The following CNTNAP3B variants were observed in gnomAD, a reference collection of about 807,000 sequenced individuals.
The protein encoded by CNTNAP3B is contactin-associated protein-like 3B.
In CNTNAP3B, 25 loss-of-function variants were observed where a neutral mutation model predicts 108.9. That is an observed-to-expected ratio of 0.23 (90% CI 0.17 to 0.32). The LOEUF is 0.32. Among genes scored for constraint, CNTNAP3B ranks in the 10% least tolerant of loss-of-function variants. The pLI, the probability that CNTNAP3B is intolerant of heterozygous loss-of-function variation, is 1.00. For missense variants in CNTNAP3B, 252 were observed against 1,210.4 expected, an observed-to-expected ratio of 0.21 and a Z score of 11.75; for synonymous variants, 103 against 473.4, an observed-to-expected ratio of 0.22 and a Z score of 10.16.
At chr9:41,948,121 T>C (rs1219135171) in intron 13 of CNTNAP3B, among the ~76,000 whole-genome samples, 1 of 150,976 alleles carries the variant, frequency 6.6e-6, no homozygotes, top group Non-Finnish European at 1.5e-5. Context: ...AGATGAAATC[T>C]CGTTCTGTTG....
chr9:41,993,689 C>T (rs1221321926), intron 7 of CNTNAP3B: 1 of 98,304 alleles, frequency 1.0e-5, no homozygotes, highest in Non-Finnish European at 2.2e-5. Flanking sequence ...CTTCTTGCCA[C>T]AGAGGAGTGC....
chr9:41,929,727 G>T (rs1823918838), intron 14 of CNTNAP3B, among the ~76,000 whole-genome samples: 1 of 133,550 alleles, frequency 7.5e-6, no homozygotes, highest in African/African-American at 3.0e-5. Flanking sequence ...CACAGGCATG[G>T]CTGGGTTGCA....
At chr9:42,108,020 T>C (rs1351115494) in intron 1 of CNTNAP3B, among the ~76,000 whole-genome samples, 3 of 135,418 alleles carry the variant, frequency 2.2e-5, no homozygotes, top group Non-Finnish European at 3.1e-5. Flanking sequence ...TTTTATAAAA[T>C]AAAAGAACAT....
chr9:41,952,920 A>G (rs1222737378), intron 13 of CNTNAP3B, among the ~76,000 whole-genome samples: 3 of 152,008 alleles, frequency 2.0e-5, no homozygotes, highest in African/African-American at 4.8e-5. Flanking sequence ...GGCATAAGTT[A>G]TTAGCAAAAT....
At chr9:42,014,777 G>C (rs1826191861) in intron 3 of CNTNAP3B, among the ~76,000 whole-genome samples, 1 of 59,432 alleles carries the variant, frequency 1.7e-5, no homozygotes, top group Non-Finnish European at 3.0e-5. Flanking sequence ...GGCAACAGAG[G>C]TAGACTCCGT....
Position 42,037,486 on chromosome 9 carries a change from C to T in CNTNAP3B, c.391-23961G>A, listed in dbSNP as rs556978523. 3.5e-4 allele frequency among the ~76,000 whole-genome samples: 45 copies of T among 129,226 alleles called. 5 individuals are homozygous for T. The South Asian group carries it at 3.6e-3, about 10-fold the overall frequency. The allele number at this position is 129,226 out of a possible 152,430, so 84.8% of individuals were successfully genotyped here. A position where few individuals can be genotyped will look rare whatever the true frequency, so the allele number is the denominator to read the frequency against. ...GCAAAAGAACCACATGACGCATGTA[C>T]GAGCTTCAGTAGCTGATTTGATCAA... On this transcript the variant is annotated intron_variant, in intron 3 of 23. Transcript: ENST00000377561.
chr9:42,116,728 C>A (rs1474072623), intron 1 of CNTNAP3B, among the ~76,000 whole-genome samples: 1 of 139,462 alleles, frequency 7.2e-6, no homozygotes, highest in African/African-American at 2.9e-5. Context: ...CACAGAGTGG[C>A]AAATTGGATA....
intron 12 of CNTNAP3B, among the ~76,000 whole-genome samples, chr9:41,956,090 A>T (rs538838193): frequency 6.6e-6 from 1 of 152,246 alleles, no homozygotes; most frequent in Admixed American, 6.5e-5. Context: ...AAAAAAAAAT[A>T]ATAATATTGG....
intron 13 of CNTNAP3B, among the ~76,000 whole-genome samples, chr9:41,942,506 G>A (rs1824385065): frequency 6.6e-6 from 1 of 151,424 alleles, no homozygotes; most frequent in East Asian, 1.9e-4. Flanking sequence ...AGCTACTGGG[G>A]AGGCTGAGGC....
At chr9:41,983,127 C>T (rs1263941013) in intron 9 of CNTNAP3B, among the ~76,000 whole-genome samples, 4 of 134,366 alleles carry the variant, frequency 3.0e-5, no homozygotes, top group Non-Finnish European at 6.3e-5. Context: ...AATCTGTACC[C>T]CAAGCCCCCA....
chr9:41,966,506 T>G (rs1215447684), intron 10 of CNTNAP3B, among the ~76,000 whole-genome samples: 1 of 152,142 alleles, frequency 6.6e-6, no homozygotes. Context: ...AGGAGTGGGG[T>G]CAGCAGCCTG....
At chr9:42,040,380 C>T in intron 3 of CNTNAP3B, among the ~76,000 whole-genome samples, 1 of 97,028 alleles carries the variant, frequency 1.0e-5, no homozygotes, top group Non-Finnish European at 2.1e-5. Flanking sequence ...TAAACAACTT[C>T]AGCAAAGTCT....
rs1182308470 is a variant in CNTNAP3B, at chr9:42,124,175, T to C, written c.85+4835A>G. ...ACTATTTTAAAATCTCAAATGTTTT[T>C]AGATTTCAATCACTCTTCGTATTAT... On this transcript the variant is annotated intron_variant, in intron 1 of 23. Coordinates refer to ENST00000377561, the MANE Select transcript of CNTNAP3B (RefSeq NM_001201380.3). Among the ~76,000 whole-genome samples the C allele has an allele frequency of 3.7e-5, 5 of 136,746 alleles. 2 individuals are homozygous for C. Among genetic ancestry groups the C allele is most frequent in the East Asian group, 4.5e-4 (2 of 4,482 alleles). The allele number at this position is 136,746 out of a possible 152,430, so 89.7% of individuals were successfully genotyped here.
At chr9:41,936,145 C>G (rs1267753634) in intron 14 of CNTNAP3B, among the ~76,000 whole-genome samples, 1 of 152,298 alleles carries the variant, frequency 6.6e-6, no homozygotes, top group East Asian at 1.9e-4. Flanking sequence ...CCAGGTGTGG[C>G]ACTCGGCTGT....
chr9:42,061,343 C>T (rs1662374800), intron 3 of CNTNAP3B, among the ~76,000 whole-genome samples: 2 of 110,894 alleles, frequency 1.8e-5, no homozygotes, highest in Non-Finnish European at 3.4e-5. Context: ...TTTTTTGAGA[C>T]AGTCTCGCTC....
intron 12 of CNTNAP3B, among the ~76,000 whole-genome samples, chr9:41,959,376 T>TGA (rs1824987640): frequency 6.6e-6 from 1 of 152,270 alleles, no homozygotes. Context: ...AAAGAGAAGG[T>TGA]GACATTTTCT....
intron 3 of CNTNAP3B, among the ~76,000 whole-genome samples, chr9:42,020,277 G>A (rs1826288272): frequency 6.6e-6 from 1 of 151,048 alleles, no homozygotes; most frequent in South Asian, 2.1e-4. Context: ...AGCTCTCTGT[G>A]TATAGTGCAT....
rs1389678494 is a variant in CNTNAP3B, at chr9:41,962,752, G to A, written c.1756+1786C>T. Among the ~76,000 whole-genome samples the A allele has an allele frequency of 4.3e-4, 65 of 151,776 alleles. No homozygotes were observed. The South Asian group carries it at 0.013, about 30-fold the overall frequency. ...AGGTGGATCACAAGGTCAGGAGATCGAGACCATCCCGGCTAACATGGCAAA... is the reference window on the plus strand; with the variant it reads ...AGGTGGATCACAAGGTCAGGAGATCAAGACCATCCCGGCTAACATGGCAAA... On this transcript the variant is annotated intron_variant, in intron 11 of 23. Coordinates refer to ENST00000377561, the MANE Select transcript of CNTNAP3B (RefSeq NM_001201380.3).
intron 14 of CNTNAP3B, among the ~76,000 whole-genome samples, chr9:41,932,517 C>CTTTTTTTTTTTTTT (rs1178493391): frequency 3.2e-5 from 4 of 124,864 alleles, no homozygotes; most frequent in African/African-American, 3.0e-5. Flanking sequence ...ACTTTTTTTT[C>CTTTTTTTTTTTTTT]TTCTTTTTTT....
Sources: gnomAD v4.1 joint callset for allele counts (sites outside exome capture counted in the v4.1 genomes callset) on GRCh38, gnomAD v4.1.1 for gene constraint, MANE v1.5 for transcripts, NCBI Gene and HGNC (gene_info 2026-07-23, HGNC 2026-07-21) for gene names.